The following KMT2A variants were observed in gnomAD, a reference collection of about 807,000 sequenced individuals.
The protein encoded by KMT2A is lysine methyltransferase 2A.
KMT2A carries 16 observed loss-of-function variants against 345.3 expected under a neutral mutation model. The observed-to-expected ratio is 0.05, with a 90% CI of 0.03 to 0.07. KMT2A has a LOEUF of 0.07. KMT2A is among the 10% of genes least tolerant of loss of function. The pLI is 1.00. For missense variants in KMT2A, 3,272 were observed against 4,841.6 expected (o/e 0.68, Z 9.62); for synonymous variants, 1,599 against 1,778.6 (o/e 0.90, Z 2.54).
intron 28 of KMT2A, 140 bp downstream of exon 28, chr11:118,507,749 G>A (rs1950611054): frequency 1.5e-6 from 1 of 647,238 alleles, no homozygotes; most frequent in Non-Finnish European, 2.8e-6. Context: ...TGGATCACGA[G>A]GTTAGATCGA....
At chr11:118,480,294 T>C (rs1156275682) in intron 6 of KMT2A, 56 bp downstream of exon 6, 2 of 1,264,598 alleles carry the variant, frequency 1.6e-6, no homozygotes, top group Middle Eastern at 1.9e-4. Context: ...TGGTGTATAG[T>C]TGTATACACC....
chr11:118,504,575 G>A lies in KMT2A; in HGVS notation c.8683G>A (p.Gly2895Ser), dbSNP rs782699640. ...GLDSNREKDM[G>S]LFEVFSQQLP... ...TGACAGTAATCGTGAAAAAGACATG[G>A]GTCTTTTTGAAGTATTTTCTCAGCA... is the stretch of plus-strand genomic sequence containing the variant. Residue 2895 changes from glycine (G) to serine (S), a missense_variant, in exon 27 of 36, where the codon GGT (glycine) becomes AGT (serine). Physicochemically the swap from Gly to Ser is moderately conservative, Grantham distance 56. Coordinates refer to ENST00000534358, the MANE Select transcript of KMT2A (RefSeq NM_001197104.2). This position sits in a 1 kb window ranked among gnomAD's most constrained non-coding sequence, Gnocchi z 6.4. The A allele has an allele frequency of 6.2e-7, 1 of 1,613,958 alleles. No individual in the cohort carries two copies. Among genetic ancestry groups the A allele is most frequent in the African/African-American group, 1.3e-5 (1 of 74,896 alleles).
intron 1 of KMT2A, among the ~76,000 whole-genome samples, chr11:118,467,167 A>T (rs1555034275): frequency 1.3e-5 from 2 of 152,150 alleles, no homozygotes; most frequent in African/African-American, 4.8e-5. Flanking sequence ...ACTTGAGGTC[A>T]GGAGTTTGAG....
At chr11:118,517,862 T>C (rs943755367) in intron 31 of KMT2A, among the ~76,000 whole-genome samples, 1 of 152,170 alleles carries the variant, frequency 6.6e-6, no homozygotes, top group Admixed American at 6.5e-5. Flanking sequence ...ATTGCTTATC[T>C]AGAGACAACA....
chr11:118,466,255 A>G (rs2134242259), intron 1 of KMT2A, among the ~76,000 whole-genome samples: 1 of 152,224 alleles, frequency 6.6e-6, no homozygotes, highest in Non-Finnish European at 1.5e-5. Context: ...GCTAGAGCCC[A>G]GGAGTTTGAG....
intron 27 of KMT2A, 151 bp from the exon 28 acceptor site, chr11:118,507,378 C>T: frequency 1.5e-6 from 1 of 645,428 alleles, no homozygotes. Context: ...TCAAAGTAAC[C>T]ATTATTCTAA....
In KMT2A at chr11:118,473,079, A is replaced by G. The variant is rs781863312; in HGVS notation, c.1920A>G (p.Glu640=). The change falls in exon 3 of 36, where the codon GAA becomes GAG. Residue 640 remains glutamate (E), a synonymous_variant. Transcript: ENST00000534358. The surrounding 1 kb of genome is among the most constrained non-coding windows in gnomAD (Gnocchi z 5.2). ...TTTCCTCAGCAAAGTATGCCAAAGA[A>G]GGTCTTATTCGCAAACCAATATTTG... is the stretch of plus-strand genomic sequence containing the variant. ...QYFSSAKYAK[E]GLIRKPIFDN... 36 of 1,614,054 alleles carry G rather than the reference A, an allele frequency of 2.2e-5. No homozygotes were observed. The highest frequency in any genetic ancestry group is 2.7e-5 in the Non-Finnish European group (32 of 1,180,050).
At chr11:118,516,343 A>G (rs1950813540) in intron 31 of KMT2A, among the ~76,000 whole-genome samples, 5 of 152,138 alleles carry the variant, frequency 3.3e-5, no homozygotes, top group African/African-American at 1.2e-4. Context: ...CATATACATA[A>G]AGCGAAAGTC....
chr11:118,466,167 GTAAA>G (rs1234152567), intron 1 of KMT2A, among the ~76,000 whole-genome samples: 16 of 151,806 alleles, frequency 1.1e-4, no homozygotes, highest in Admixed American at 1.1e-3. Flanking sequence ...CCCCGTCTCT[GTAAA>G]TAATTTTAAA....
Position 118,494,346 on chromosome 11 carries a change from G to T in KMT2A, c.5237G>T (p.Gly1746Val), listed in dbSNP as rs782398305. The T allele has an allele frequency of 6.2e-7, 1 of 1,611,474 alleles. No homozygotes were observed. The highest frequency in any genetic ancestry group is 2.2e-5 in the East Asian group (1 of 44,856). Residue 1746 changes from glycine (G) to valine (V), a missense_variant, in exon 17 of 36, where the codon GGA becomes GTA. Physicochemically the swap from Gly to Val is moderately radical, Grantham distance 109. Around this residue, in one of 27 missense-constraint regions of KMT2A, gnomAD observed 235 missense variants for 503.4 expected, o/e 0.47. Coordinates refer to ENST00000534358, the MANE Select transcript of KMT2A (RefSeq NM_001197104.2). The surrounding 1 kb of genome is among the most constrained non-coding windows in gnomAD (Gnocchi z 5.8). ...CAAGCAGCCATTAATTCAGATGGAG[G>T]ACAGCCAGAAATTAAAAAAGCCAAC... Reference protein sequence around the residue: ...IIQAAINSDGGQPEIKKANSM... With the variant: ...IIQAAINSDGVQPEIKKANSM...
rs782799073 is a variant in KMT2A, at chr11:118,493,118, C to G, written c.5066C>G (p.Pro1689Arg). 2 of 1,614,032 alleles carry G rather than the reference C, an allele frequency of 1.2e-6. No homozygotes were observed. Among genetic ancestry groups the G allele is most frequent in the Admixed American group, 3.3e-5 (2 of 60,024 alleles). The stretch of plus-strand genomic sequence containing the variant: ...GAGAGTATACCTTCCCGCAGCTCCC[C>G]CGAAGGACCTGATCCACCAGTTCTT... ...TEESIPSRSS[P>R]EGPDPPVLTE... The change falls in exon 16 of 36, where the codon CCC becomes CGC. Residue 1689 changes from proline to arginine, a missense_variant. Transcript: ENST00000534358. The surrounding 1 kb of genome is among the most constrained non-coding windows in gnomAD (Gnocchi z 5.8).
Position 118,490,255 on chromosome 11 carries a change from C to CA in KMT2A, c.4696+12dup, listed in dbSNP as rs35483459. ...CGCCAAGCTCTTTGCTAAAGGTACC[C>CA]AAAAAAGCCAGTTTTGCCAGCTTTC... On this transcript the variant is annotated splice_region_variant and intron_variant, in intron 13 of 35. Coordinates refer to ENST00000534358, the MANE Select transcript of KMT2A (RefSeq NM_001197104.2). The surrounding 1 kb of genome is among the most constrained non-coding windows in gnomAD (Gnocchi z 4.2). 6.5e-6 allele frequency: 10 copies of CA among 1,542,460 alleles called. No homozygotes were observed. In the South Asian group the frequency reaches 1.1e-4, roughly 18 times the overall value.
In KMT2A at chr11:118,495,250, C is replaced by T. The variant is rs1250292155; in HGVS notation, c.5364-450C>T. Among the ~76,000 whole-genome samples the T allele has an allele frequency of 6.6e-6, 1 of 151,944 alleles. No homozygotes were observed. Among genetic ancestry groups the T allele is most frequent in the Non-Finnish European group, 1.5e-5 (1 of 68,006 alleles). On this transcript the variant is annotated intron_variant, in intron 18 of 35. Coordinates refer to ENST00000534358, the MANE Select transcript of KMT2A (RefSeq NM_001197104.2). The surrounding 1 kb of genome is among the most constrained non-coding windows in gnomAD (Gnocchi z 4.1). ...CTCGGCTCACTACAACCTCCGCCTC[C>T]CTGGTTCAAGCGATTCTCCTCCCTC...
Position 118,493,341 on chromosome 11 carries a change from T to C in KMT2A, c.5178+111T>C, listed in dbSNP as rs1231635685. 3 of 818,662 alleles carry C rather than the reference T, an allele frequency of 3.7e-6. No homozygotes were observed. The highest frequency in any genetic ancestry group is 5.7e-5 in the East Asian group (2 of 35,300). 50.7% of individuals were successfully genotyped at this position (818,662 alleles called of 1,614,324 possible). On this transcript the variant is annotated intron_variant, in intron 16 of 35. Coordinates refer to ENST00000534358, the MANE Select transcript of KMT2A (RefSeq NM_001197104.2). The surrounding 1 kb of genome is among the most constrained non-coding windows in gnomAD (Gnocchi z 5.8). ...ATTTAAAAATGAATTGTATTATATTTAGAAATGTCACGTGGCTTTAGATAC... is the reference window on the plus strand; with the variant it reads ...ATTTAAAAATGAATTGTATTATATTCAGAAATGTCACGTGGCTTTAGATAC...
chr11:118,437,244 C>T (rs1002028630), intron 1 of KMT2A, among the ~76,000 whole-genome samples: 18 of 151,540 alleles, frequency 1.2e-4, no homozygotes, highest in African/African-American at 7.3e-5. Context: ...CGGGACTGAA[C>T]CCCTCCTCCC....
intron 28 of KMT2A, 62 bp from the exon 29 acceptor site, chr11:118,509,074 G>A: frequency 3.5e-6 from 5 of 1,421,876 alleles, no homozygotes; most frequent in Non-Finnish European, 4.9e-6. Context: ...AGAAAATTCT[G>A]GGTTTTTTCT....
In KMT2A at chr11:118,489,772, GC is replaced by G; in HGVS notation, c.4480-18del. On this transcript the variant is annotated intron_variant, in intron 11 of 35. Transcript: ENST00000534358. ...AAGGTAATATGATGCTTATCTTTTT[GC>G]CATTATATTTTCTTACAGCAGCTGC... 6.2e-7 allele frequency: 1 copy of G among 1,605,258 alleles called. No homozygotes were observed. Among genetic ancestry groups the G allele is most frequent in the Non-Finnish European group, 8.5e-7 (1 of 1,172,354 alleles).
Position 118,498,152 on chromosome 11 carries a change from T to C in KMT2A, c.5802+79T>C. On this transcript the variant is annotated intron_variant, in intron 21 of 35. Transcript: ENST00000534358. This position sits in a 1 kb window ranked among gnomAD's most constrained non-coding sequence, Gnocchi z 4.4. Reference sequence around the variant, plus strand: ...ATTCTTCCTGTGGGTGAATATGGCCTCCCTGATATTTTTCACAGTGCCATC... The same window carrying C: ...ATTCTTCCTGTGGGTGAATATGGCCCCCCTGATATTTTTCACAGTGCCATC... The C allele has an allele frequency of 1.3e-6, 2 of 1,482,234 alleles. No individual in the cohort carries two copies. 91.8% of individuals were successfully genotyped at this position (1,482,234 alleles called of 1,614,324 possible). A position where few individuals can be genotyped will look rare whatever the true frequency, so the allele number is the denominator to read the frequency against.
At chr11:118,483,347 A>G (rs1555039905) in intron 8 of KMT2A, among the ~76,000 whole-genome samples, 1 of 149,372 alleles carries the variant, frequency 6.7e-6, no homozygotes, top group African/African-American at 2.5e-5. Flanking sequence ...CCTGGCTAAC[A>G]CGGTGAAACC....
Sources: gnomAD v4.1 joint callset for allele counts (sites outside exome capture counted in the v4.1 genomes callset) on GRCh38, gnomAD v4.1.1 for gene constraint, gnomAD v4.1.1 regional missense constraint, Gnocchi (gnomAD v3.1) non-coding constraint, MANE v1.5 for transcripts, NCBI Gene and HGNC (gene_info 2026-07-23, HGNC 2026-07-21) for gene names.